Variants in CDKAL1 observed in about 807,000 individuals in gnomAD.
CDKAL1 encodes the protein threonylcarbamoyladenosine tRNA methylthiotransferase.
Under a neutral mutation model 68.2 loss-of-function variants are expected in CDKAL1, and 32 were observed. The ratio of observed to expected loss-of-function variants is 0.47; its 90% CI spans 0.35 to 0.63. The LOEUF (loss-of-function observed/expected upper bound fraction) is 0.63, where lower values mean the gene tolerates loss of function less well. Ranked by LOEUF, CDKAL1 falls within the 30% of genes least tolerant of loss-of-function variation. The pLI, the probability that CDKAL1 is intolerant of heterozygous loss-of-function variation, is 0.00. For synonymous variants in CDKAL1, 234 were observed against 244.3 expected (o/e 0.96, Z 0.39); for missense variants, 606 against 696.7 (o/e 0.87, Z 1.47).
chr6:20,600,117 G>T (rs1197142785), intron 4 of CDKAL1, among the ~76,000 whole-genome samples: 1 of 152,060 alleles, frequency 6.6e-6, no homozygotes, highest in Non-Finnish European at 1.5e-5. Context: ...TATTAATTTT[G>T]TGCACTTTAT....
intron 4 of CDKAL1, among the ~76,000 whole-genome samples, chr6:20,632,014 A>T (rs991770214): frequency 6.6e-6 from 1 of 152,216 alleles, no homozygotes; most frequent in African/African-American, 2.4e-5. Context: ...TTAAATGAAA[A>T]CATTTTAATG....
intron 11 of CDKAL1, among the ~76,000 whole-genome samples, chr6:21,019,997 G>A (rs186224545): frequency 3.3e-3 from 503 of 151,990 alleles, no homozygotes; most frequent in African/African-American, 0.012. Context: ...TCTAACACCA[G>A]TGTTCTAAAT....
chr6:20,621,421 C>G (rs1157671086), intron 4 of CDKAL1, among the ~76,000 whole-genome samples: 3 of 152,110 alleles, frequency 2.0e-5, no homozygotes, highest in African/African-American at 7.2e-5. Flanking sequence ...TGTCAGTTTT[C>G]TCCACTGTGA....
At chr6:20,803,541 GCCA>G (rs1561791280) in intron 8 of CDKAL1, among the ~76,000 whole-genome samples, 1 of 152,174 alleles carries the variant, frequency 6.6e-6, no homozygotes, top group African/African-American at 2.4e-5. Context: ...CTAAAAATAA[GCCA>G]TTGGCGGTGA....
chr6:20,550,539 C>T (rs1763777479), intron 4 of CDKAL1, among the ~76,000 whole-genome samples: 1 of 151,996 alleles, frequency 6.6e-6, no homozygotes, highest in African/African-American at 2.4e-5. Context: ...CCAAGGAGTC[C>T]TGATTTTTTT....
At chr6:20,959,526 C>T (rs1248114157) in intron 10 of CDKAL1, among the ~76,000 whole-genome samples, 2 of 151,718 alleles carry the variant, frequency 1.3e-5, no homozygotes, top group Non-Finnish European at 2.9e-5. Context: ...TGAGTAGTGC[C>T]CTAATGATAT....
intron 8 of CDKAL1, among the ~76,000 whole-genome samples, chr6:20,807,395 C>T (rs1279039027): frequency 1.3e-5 from 2 of 151,908 alleles, no homozygotes; most frequent in African/African-American, 2.4e-5. Context: ...AGCTAATTTT[C>T]GTATTTTTGT....
At chr6:20,771,238 CA>C (rs1285414174) in intron 7 of CDKAL1, among the ~76,000 whole-genome samples, 3 of 152,284 alleles carry the variant, frequency 2.0e-5, no homozygotes, top group African/African-American at 7.2e-5. Context: ...GTTTTAACTA[CA>C]TTTTTAAACT....
chr6:20,838,682 A>C (rs1289562510), intron 8 of CDKAL1, among the ~76,000 whole-genome samples: 1 of 152,110 alleles, frequency 6.6e-6, no homozygotes, highest in Non-Finnish European at 1.5e-5. Context: ...TGAAAATCCA[A>C]CTGGAGAGGC....
intron 5 of CDKAL1, among the ~76,000 whole-genome samples, chr6:20,691,138 A>T (rs1770852406): frequency 2.0e-5 from 3 of 152,112 alleles, no homozygotes; most frequent in African/African-American, 4.8e-5. Flanking sequence ...CCCGCAGGAG[A>T]TTATGTGGCT....
At chr6:20,559,846 A>C (rs1257349920) in intron 4 of CDKAL1, among the ~76,000 whole-genome samples, 2 of 152,148 alleles carry the variant, frequency 1.3e-5, no homozygotes, top group African/African-American at 4.8e-5. Context: ...AGGCTTAGAG[A>C]TTTGTGAAAT....
chr6:20,655,556 G>A (rs1768987196), intron 5 of CDKAL1, among the ~76,000 whole-genome samples: 1 of 152,156 alleles, frequency 6.6e-6, no homozygotes, highest in South Asian at 2.1e-4. Context: ...TAGATCAGCA[G>A]CAGCATTAGA....
At chr6:20,672,859 C>T (rs1207978538) in intron 5 of CDKAL1, among the ~76,000 whole-genome samples, 2 of 152,118 alleles carry the variant, frequency 1.3e-5, no homozygotes, top group Non-Finnish European at 1.5e-5. Context: ...TCACTGCAGC[C>T]TCTGCCCCCC....
At chr6:20,963,673 T>C (rs1463305771) in intron 10 of CDKAL1, among the ~76,000 whole-genome samples, 1 of 152,244 alleles carries the variant, frequency 6.6e-6, no homozygotes, top group Non-Finnish European at 1.5e-5. Flanking sequence ...GGTAAATGTT[T>C]CTCATGTTGA....
chr6:20,564,857 C>A (rs1027914207), intron 4 of CDKAL1, among the ~76,000 whole-genome samples: 5 of 152,060 alleles, frequency 3.3e-5, no homozygotes, highest in African/African-American at 1.2e-4. Context: ...TGTAGCAAAA[C>A]CTTTCATTGC....
intron 11 of CDKAL1, among the ~76,000 whole-genome samples, chr6:21,047,839 A>G (rs548727228): frequency 1.3e-5 from 2 of 152,328 alleles, no homozygotes; most frequent in Admixed American, 6.5e-5. Flanking sequence ...TATCAGTAGT[A>G]TGGATAGGGG....
In CDKAL1 at chr6:20,799,332, G is replaced by A. The variant is rs150209813; in HGVS notation, c.638+18067G>A. On this transcript the variant is annotated intron_variant, in intron 8 of 15. Coordinates refer to ENST00000274695, the MANE Select transcript of CDKAL1 (RefSeq NM_017774.3). ...CTCCCAAAGTGTTGGGATTACAGGC[G>A]TGAGCCACCGTGCCCGGCCTAGAAC... Among the ~76,000 whole-genome samples the A allele has an allele frequency of 2.3e-3, 351 of 152,168 alleles. 2 individuals carry two copies. The highest frequency in any genetic ancestry group is 7.8e-3 in the African/African-American group (324 of 41,526).
chr6:21,172,001 C>T (rs1377220136), intron 13 of CDKAL1, among the ~76,000 whole-genome samples: 3 of 152,112 alleles, frequency 2.0e-5, no homozygotes, highest in Non-Finnish European at 2.9e-5. Context: ...GTGACTCATT[C>T]GAGAATCTCA....
At chr6:20,890,754 A>G (rs1469489496) in intron 9 of CDKAL1, among the ~76,000 whole-genome samples, 2 of 152,232 alleles carry the variant, frequency 1.3e-5, no homozygotes, top group African/African-American at 4.8e-5. Context: ...GGCGATTTGC[A>G]TCAAATTGTT....
Sources: allele counts gnomAD v4.1 joint callset (sites outside exome capture counted in the v4.1 genomes callset), GRCh38; gene constraint gnomAD v4.1.1; transcripts MANE v1.5; gene names NCBI Gene and HGNC (gene_info 2026-07-23, HGNC 2026-07-21).